GOLPH3L: variants seen among roughly 807,000 people sequenced by gnomAD.
GOLPH3L encodes the protein golgi phosphoprotein 3 like, also known as Golgi phosphoprotein 3-like.
In GOLPH3L, 22 loss-of-function variants were observed where a neutral mutation model predicts 30.3. That is an observed-to-expected ratio of 0.73 (90% CI 0.52 to 1.04). The LOEUF (loss-of-function observed/expected upper bound fraction) is 1.04, where lower values mean the gene tolerates loss of function less well. Ranked by LOEUF, GOLPH3L falls within the 50% of genes least tolerant of loss-of-function variation. The pLI, the probability that GOLPH3L is intolerant of heterozygous loss-of-function variation, is 0.00. For synonymous variants in GOLPH3L, 120 were observed against 128.2 expected (o/e 0.94, Z 0.43); for missense variants, 303 against 345.8 (o/e 0.88, Z 0.98).
chr1:150,648,473 C>G lies in GOLPH3L; in HGVS notation c.706G>C (p.Glu236Gln). The change falls in exon 5 of 5, where the codon GAG (glutamate) becomes CAG (glutamine). Residue 236 changes from glutamate (E) to glutamine (Q), a missense_variant. Coordinates refer to ENST00000271732, the MANE Select transcript of GOLPH3L (RefSeq NM_018178.6). ...LVLAHSSDVL[E>Q]NVFSSLTDDK... ...TCTGTCAGAGAGGAGAAGACATTCTCTAGCACATCAGAGGAGTGGGCTAGC... is the reference window on the plus strand; with the variant it reads ...TCTGTCAGAGAGGAGAAGACATTCTGTAGCACATCAGAGGAGTGGGCTAGC... 1 of 1,614,146 alleles carries G rather than the reference C, an allele frequency of 6.2e-7. No homozygotes were observed. The highest frequency in any genetic ancestry group is 8.5e-7 in the Non-Finnish European group (1 of 1,180,008).
chr1:150,663,638 GT>G lies in GOLPH3L; in HGVS notation c.308del (p.Asp103AlafsTer6). The G allele has an allele frequency of 6.2e-7, 1 of 1,612,936 alleles. No individual in the cohort carries two copies. The highest frequency in any genetic ancestry group is 8.5e-7 in the Non-Finnish European group (1 of 1,179,204). On this transcript the variant is annotated frameshift_variant, in exon 3 of 5. Coordinates refer to ENST00000271732, the MANE Select transcript of GOLPH3L (RefSeq NM_018178.6). LOFTEE classifies it high-confidence loss of function. ...PPTMRKKRLL[D>X]RKVLLKSDSP... The stretch of plus-strand genomic sequence containing the variant: ...TTCACAGAGGATTCAGTACCTTTCT[GT>G]CTAGTAGTCGCTTCTTACGCATGGT...
chr1:150,690,236 C>T (rs1410461271), intron 2 of GOLPH3L, among the ~76,000 whole-genome samples: 1 of 152,104 alleles, frequency 6.6e-6, no homozygotes, highest in Non-Finnish European at 1.5e-5. Flanking sequence ...ATCCTTCTGT[C>T]TCCCAAAGTG....
chr1:150,660,204 T>C (rs1650337197), intron 4 of GOLPH3L, among the ~76,000 whole-genome samples: 1 of 151,898 alleles, frequency 6.6e-6, no homozygotes, highest in Non-Finnish European at 1.5e-5. Context: ...CATTTGAAAA[T>C]AAAAATCAAA....
intron 4 of GOLPH3L, among the ~76,000 whole-genome samples, chr1:150,658,012 C>T (rs1029649881): frequency 2.0e-5 from 3 of 152,186 alleles, no homozygotes; most frequent in Non-Finnish European, 2.9e-5. Context: ...AAAATAATAA[C>T]TTGGGGTAGA....
At chr1:150,678,747 G>C (rs1024821571) in intron 2 of GOLPH3L, among the ~76,000 whole-genome samples, 4 of 152,142 alleles carry the variant, frequency 2.6e-5, no homozygotes, top group African/African-American at 9.7e-5. Context: ...ATAAGGTCAA[G>C]AGATCAAGAC....
intron 2 of GOLPH3L, among the ~76,000 whole-genome samples, chr1:150,672,288 T>G (rs1421310236): frequency 6.6e-6 from 1 of 152,242 alleles, no homozygotes; most frequent in Non-Finnish European, 1.5e-5. Flanking sequence ...TAAGAAAATT[T>G]AGTGTACTGT....
At chr1:150,686,322 C>T (rs945917287) in intron 2 of GOLPH3L, among the ~76,000 whole-genome samples, 1 of 152,158 alleles carries the variant, frequency 6.6e-6, no homozygotes, top group Non-Finnish European at 1.5e-5. Flanking sequence ...TCAAGTGATC[C>T]TCTCACCTCA....
chr1:150,667,360 T>C (rs1203767028), intron 2 of GOLPH3L, among the ~76,000 whole-genome samples: 1 of 152,148 alleles, frequency 6.6e-6, no homozygotes, highest in Non-Finnish European at 1.5e-5. Flanking sequence ...TGTCCTGCTA[T>C]AGCCAGGACA....
chr1:150,679,129 T>A (rs1010919564), intron 2 of GOLPH3L, among the ~76,000 whole-genome samples: 45 of 152,168 alleles, frequency 3.0e-4, no homozygotes, highest in African/African-American at 1.1e-3. Context: ...ATTATTCCCT[T>A]AAATCTTTCT....
intron 4 of GOLPH3L, among the ~76,000 whole-genome samples, chr1:150,654,663 C>T (rs2101780176): frequency 6.6e-6 from 1 of 152,306 alleles, no homozygotes. Flanking sequence ...TGGGAAACGC[C>T]ATGAGGGGCC....
At chr1:150,649,315 A>T in intron 4 of GOLPH3L, among the ~76,000 whole-genome samples, 1 of 152,354 alleles carries the variant, frequency 6.6e-6, no homozygotes, top group East Asian at 1.9e-4. Flanking sequence ...GTATCACTGT[A>T]GGAGAAGTGG....
intron 2 of GOLPH3L, among the ~76,000 whole-genome samples, chr1:150,672,454 G>A (rs962768319): frequency 3.3e-5 from 5 of 152,078 alleles, no homozygotes; most frequent in African/African-American, 1.2e-4. Flanking sequence ...TATTTGAGAC[G>A]GAGTCTCAAT....
At chr1:150,691,403 C>T (rs1651209066) in intron 2 of GOLPH3L, among the ~76,000 whole-genome samples, 1 of 152,048 alleles carries the variant, frequency 6.6e-6, no homozygotes, top group South Asian at 2.1e-4. Context: ...GTAATCCCAG[C>T]TACTCAGGAG....
chr1:150,648,808 T>C (rs1650041862), intron 4 of GOLPH3L, 60 bp from the exon 5 acceptor site: 4 of 1,057,992 alleles, frequency 3.8e-6, no homozygotes, highest in Middle Eastern at 2.1e-4. Context: ...ATGAAACATG[T>C]AGTTGTTTGG....
intron 2 of GOLPH3L, among the ~76,000 whole-genome samples, chr1:150,683,694 T>A (rs1188433653): frequency 1.5e-5 from 1 of 66,554 alleles, no homozygotes; most frequent in African/African-American, 6.6e-5. Flanking sequence ...AGCGAGACTC[T>A]CTCTCAAAAA....
chr1:150,652,214 A>G (rs1650118190), intron 4 of GOLPH3L, among the ~76,000 whole-genome samples: 1 of 151,782 alleles, frequency 6.6e-6, no homozygotes, highest in Non-Finnish European at 1.5e-5. Flanking sequence ...CTGGCAAACT[A>G]TCTTTCAGAA....
intron 2 of GOLPH3L, among the ~76,000 whole-genome samples, chr1:150,671,806 C>CAAAA (rs397793655): frequency 1.1e-4 from 5 of 46,980 alleles, no homozygotes; most frequent in Non-Finnish European, 1.9e-4. Flanking sequence ...AACTCCGTCT[C>CAAAA]AAAAAAAAAA....
chr1:150,681,100 G>T (rs1650937121), intron 2 of GOLPH3L, among the ~76,000 whole-genome samples: 1 of 152,122 alleles, frequency 6.6e-6, no homozygotes, highest in African/African-American at 2.4e-5. Flanking sequence ...TCGCACCACT[G>T]CACTCCAGTC....
rs1421836814 is a variant in GOLPH3L at position 150,697,101 on chromosome 1, G to A, written c.-122C>T. 1 of 150,968 alleles carries A rather than the reference G, an allele frequency of 6.6e-6. No individual in the cohort carries two copies. The highest frequency in any genetic ancestry group is 2.4e-5 in the African/African-American group (1 of 40,980). 9.4% of individuals were successfully genotyped at this position (150,968 alleles called of 1,614,324 possible). ...CCCGTCCTAGTAGGTGAAAAACTTA[G>A]CCACGCAGAGAGCACAAACTTCCTG... On this transcript the variant is annotated 5_prime_UTR_variant, in exon 1 of 5. Coordinates refer to ENST00000271732, the MANE Select transcript of GOLPH3L (RefSeq NM_018178.6).
Sources: allele counts gnomAD v4.1 joint callset (sites outside exome capture counted in the v4.1 genomes callset), GRCh38; gene constraint gnomAD v4.1.1; transcripts MANE v1.5; gene names NCBI Gene and HGNC (gene_info 2026-07-23, HGNC 2026-07-21).